Variants in ENDOU observed in about 807,000 individuals in gnomAD.
The protein encoded by ENDOU is uridylate-specific endoribonuclease.
In ENDOU, 49 loss-of-function variants were observed where a neutral mutation model predicts 54.2. That is an observed-to-expected ratio of 0.90 (90% CI 0.72 to 1.15). ENDOU has a LOEUF of 1.15. Ranked by LOEUF, ENDOU falls within the 50% of genes most tolerant of loss-of-function variation. The pLI is 0.00. For missense variants in ENDOU, 458 were observed against 511.4 expected (o/e 0.90, Z 1.01); for synonymous variants, 172 against 190.5 (o/e 0.90, Z 0.80).
chr12:47,717,092 C>G (rs199540769), intron 4 of ENDOU, 34 bp from the exon 5 acceptor site: 2 of 1,604,118 alleles, frequency 1.2e-6, no homozygotes, highest in Non-Finnish European at 1.7e-6. Flanking sequence ...GGCCTCAGAG[C>G]CAGAGGGAAA....
At chr12:47,720,106 T>A (rs754504945) in intron 2 of ENDOU, 4 of 152,332 alleles carry the variant, frequency 2.6e-5, no homozygotes, top group African/African-American at 4.8e-5. Context: ...ACATCAAGGC[T>A]TTGTGTCACA....
At chr12:47,722,722 CCTGGCTGA>C (rs1166238028) in intron 1 of ENDOU, among the ~76,000 whole-genome samples, 2 of 152,160 alleles carry the variant, frequency 1.3e-5, no homozygotes, top group African/African-American at 4.8e-5. Flanking sequence ...TTGCTGGTTT[CCTGGCTGA>C]CTTCATCACT....
intron 6 of ENDOU, among the ~76,000 whole-genome samples, chr12:47,714,297 C>G (rs1940146992): frequency 1.3e-5 from 2 of 152,238 alleles, no homozygotes; most frequent in African/African-American, 4.8e-5. Context: ...TTTAACAACT[C>G]TATAGCTTCT....
chr12:47,717,660 G>A lies in ENDOU; in HGVS notation c.245-5C>T, dbSNP rs1231797391. The A allele has an allele frequency of 6.2e-7, 1 of 1,613,846 alleles. No individual in the cohort carries two copies. Among genetic ancestry groups the A allele is most frequent in the Admixed American group, 1.7e-5 (1 of 60,020 alleles). ...AGGTGGGTGCCGAGTACAAGTCTGA[G>A]AAGAGAGGGGTGGTGTGTCCCGGGC... On this transcript the variant is annotated splice_region_variant and splice_polypyrimidine_tract_variant and intron_variant, in intron 3 of 9. Transcript: ENST00000422538.
At chr12:47,718,220 C>G in intron 2 of ENDOU, 26 bp from the exon 3 acceptor site, 1 of 1,548,806 alleles carries the variant, frequency 6.5e-7, no homozygotes, top group Non-Finnish European at 8.8e-7. Flanking sequence ...AAAATAAAGT[C>G]ACCAACAACC....
chr12:47,720,537 G>A (rs1247436396), intron 2 of ENDOU: 2 of 408,556 alleles, frequency 4.9e-6, no homozygotes, highest in Non-Finnish European at 8.6e-6. Flanking sequence ...AGAAATTCTA[G>A]GTAAATGACA....
intron 1 of ENDOU, among the ~76,000 whole-genome samples, chr12:47,722,790 G>A (rs6580635): frequency 0.24 from 37,122 of 152,028 alleles, 5,118 homozygotes; most frequent in African/African-American, 0.39. Flanking sequence ...AGGTTAACCC[G>A]GGTCCTCAGA....
At chr12:47,715,549 AAC>A (rs1265342787) in intron 6 of ENDOU, among the ~76,000 whole-genome samples, 1 of 152,192 alleles carries the variant, frequency 6.6e-6, no homozygotes, top group Non-Finnish European at 1.5e-5. Flanking sequence ...TTTACCTAAA[AAC>A]AGTGTCACCA....
chr12:47,717,135 C>G, intron 4 of ENDOU, 77 bp from the exon 5 acceptor site: 3 of 1,279,646 alleles, frequency 2.3e-6, no homozygotes. Context: ...TGTGTACCTC[C>G]CCTCCTGGGC....
intron 7 of ENDOU, 144 bp from the exon 8 acceptor site, chr12:47,712,766 G>A (rs549888081): frequency 1.6e-6 from 1 of 639,672 alleles, no homozygotes; most frequent in African/African-American, 1.8e-5. Flanking sequence ...AGTCCCCAGA[G>A]TCTCTCACAG....
At chr12:47,724,163 T>C (rs930457622) in intron 1 of ENDOU, among the ~76,000 whole-genome samples, 1 of 152,168 alleles carries the variant, frequency 6.6e-6, no homozygotes, top group African/African-American at 2.4e-5. Flanking sequence ...GGCTGGAATA[T>C]GCCAAGCCCG....
chr12:47,713,754 C>G, intron 6 of ENDOU, among the ~76,000 whole-genome samples: 2 of 129,070 alleles, frequency 1.5e-5, no homozygotes, highest in Admixed American at 7.8e-5. Flanking sequence ...GGGGGGGGGT[C>G]TTCTAGAAAG....
intron 1 of ENDOU, among the ~76,000 whole-genome samples, 200 bp from the exon 2 acceptor site, chr12:47,721,075 T>G (rs1347449177): frequency 1.3e-5 from 2 of 151,990 alleles, no homozygotes; most frequent in African/African-American, 4.8e-5. Context: ...CACCAAATAT[T>G]TCAAGGCTCA....
intron 8 of ENDOU, 22 bp downstream of exon 8, chr12:47,712,494 C>T: frequency 6.4e-7 from 1 of 1,567,160 alleles, no homozygotes; most frequent in South Asian, 1.1e-5. Flanking sequence ...TCTGACAAGG[C>T]TTTTCTAGTC....
intron 1 of ENDOU, among the ~76,000 whole-genome samples, chr12:47,722,992 C>T (rs1940481761): frequency 6.6e-6 from 1 of 152,254 alleles, no homozygotes; most frequent in African/African-American, 2.4e-5. Context: ...CCTGCTCAGT[C>T]AGCCTGGCAG....
chr12:47,714,241 G>A (rs577308447), intron 6 of ENDOU, among the ~76,000 whole-genome samples: 13 of 152,218 alleles, frequency 8.5e-5, no homozygotes, highest in Non-Finnish European at 1.6e-4. Flanking sequence ...ATGAAAGGTA[G>A]AGACAGCACT....
intron 2 of ENDOU, 48 bp downstream of exon 2, chr12:47,720,705 G>C (rs1241633513): frequency 6.5e-7 from 1 of 1,528,736 alleles, no homozygotes; most frequent in African/African-American, 1.4e-5. Flanking sequence ...CCAGGCCAGT[G>C]GCCCCTTAGA....
intron 8 of ENDOU, 64 bp from the exon 9 acceptor site, chr12:47,711,839 C>T: frequency 6.4e-7 from 1 of 1,566,554 alleles, no homozygotes; most frequent in Non-Finnish European, 8.8e-7. Context: ...GAACGGGTGC[C>T]CAATGGCAAC....
chr12:47,721,035 A>G (rs1297874915), intron 1 of ENDOU, among the ~76,000 whole-genome samples, 160 bp from the exon 2 acceptor site: 5 of 152,142 alleles, frequency 3.3e-5, no homozygotes, highest in Non-Finnish European at 7.4e-5. Flanking sequence ...CCCATGCACA[A>G]CATAAGCCTC....
Sources: gnomAD v4.1 joint callset for allele counts (sites outside exome capture counted in the v4.1 genomes callset) on GRCh38, gnomAD v4.1.1 for gene constraint, MANE v1.5 for transcripts, NCBI Gene and HGNC (gene_info 2026-07-23, HGNC 2026-07-21) for gene names.